HECW1: variants seen among roughly 807,000 people sequenced by gnomAD.
HECW1 encodes HECT, C2 and WW domain containing E3 ubiquitin protein ligase 1.
A neutral mutation model predicts 182.3 loss-of-function variants in HECW1; 61 were observed. The ratio of observed to expected loss-of-function variants is 0.33; its 90% CI spans 0.27 to 0.41. The LOEUF is 0.41. HECW1 is among the 10% of genes least tolerant of loss of function. The pLI is 1.00. For missense variants in HECW1, 1,739 were observed against 2,108.9 expected, an observed-to-expected ratio of 0.82 and a Z score of 3.44; for synonymous variants, 859 against 832.6, an observed-to-expected ratio of 1.03 and a Z score of -0.55.
intron 3 of HECW1, among the ~76,000 whole-genome samples, chr7:43,277,542 C>T (rs185270599): frequency 7.7e-4 from 117 of 152,292 alleles, no homozygotes; most frequent in Non-Finnish European, 1.3e-3. Context: ...CTGGGACCCA[C>T]CTGCACACCA....
Position 43,419,915 on chromosome 7 carries a change from G to A in HECW1, c.801+12184G>A, listed in dbSNP as rs564492497. ...TGCTGTGTCCAGTTTCCAATGGCTG[G>A]CACAGGACCTCACATTCTGTATTTG... On this transcript the variant is annotated intron_variant, in intron 8 of 29. Coordinates refer to ENST00000395891, the MANE Select transcript of HECW1 (RefSeq NM_015052.5). Among the ~76,000 whole-genome samples, 14 of 152,320 alleles carry A rather than the reference G, an allele frequency of 9.2e-5. No individual in the cohort carries two copies. In the South Asian group the frequency reaches 2.7e-3, roughly 29 times the overall value.
intron 2 of HECW1, among the ~76,000 whole-genome samples, chr7:43,133,257 T>C (rs1473119282): frequency 1.3e-5 from 2 of 151,772 alleles, no homozygotes; most frequent in Non-Finnish European, 2.9e-5. Context: ...CACATTTATA[T>C]ATAAATGAAT....
intron 10 of HECW1, among the ~76,000 whole-genome samples, chr7:43,443,684 T>C (rs2076958551): frequency 6.6e-6 from 1 of 152,218 alleles, no homozygotes; most frequent in Non-Finnish European, 1.5e-5. Flanking sequence ...GTTGGGAACC[T>C]TCCAGCCTGA....
At chr7:43,492,931 A>T (rs768105121) in intron 18 of HECW1, among the ~76,000 whole-genome samples, 153 bp from the exon 19 acceptor site, 3 of 152,220 alleles carry the variant, frequency 2.0e-5, no homozygotes, top group Non-Finnish European at 4.4e-5. Flanking sequence ...CATATTTTAA[A>T]AACTCTCAAG....
At chr7:43,553,513 A>G (rs1331608343) in intron 28 of HECW1, among the ~76,000 whole-genome samples, 2 of 152,070 alleles carry the variant, frequency 1.3e-5, no homozygotes. Context: ...TAAAAAAAAT[A>G]CAAAAATTAG....
At chr7:43,501,980 A>G (rs1177877444) in intron 21 of HECW1, among the ~76,000 whole-genome samples, 2 of 152,244 alleles carry the variant, frequency 1.3e-5, no homozygotes, top group African/African-American at 4.8e-5. Context: ...TAGCTTTCAC[A>G]CCAGACTTGA....
chr7:43,361,300 C>G (rs1009074543), intron 6 of HECW1, among the ~76,000 whole-genome samples: 1 of 151,910 alleles, frequency 6.6e-6, no homozygotes, highest in African/African-American at 2.4e-5. Flanking sequence ...AGTGAAGAAG[C>G]CTTTTCTTTG....
intron 5 of HECW1, among the ~76,000 whole-genome samples, chr7:43,333,245 G>A (rs150944972): frequency 5.3e-5 from 8 of 152,332 alleles, no homozygotes; most frequent in African/African-American, 1.9e-4. Context: ...TGGAGGTCTG[G>A]AAGGAAGATC....
At chr7:43,222,128 A>C (rs1173827539) in intron 2 of HECW1, among the ~76,000 whole-genome samples, 2 of 152,202 alleles carry the variant, frequency 1.3e-5, no homozygotes, top group Admixed American at 1.3e-4. Context: ...TGAGAATCTC[A>C]GAGCAATTAG....
intron 2 of HECW1, among the ~76,000 whole-genome samples, chr7:43,231,947 G>A (rs527264265): frequency 1.2e-4 from 18 of 150,806 alleles, no homozygotes; most frequent in Admixed American, 1.3e-4. Context: ...GCGTGAACCC[G>A]GGAGGCGGAG....
chr7:43,453,050 T>G (rs1398331576), intron 12 of HECW1, among the ~76,000 whole-genome samples: 2 of 152,230 alleles, frequency 1.3e-5, no homozygotes, highest in Admixed American at 6.5e-5. Flanking sequence ...TTAAGGGCTT[T>G]GTAAATCACT....
chr7:43,526,691 A>G (rs886258191), intron 24 of HECW1, among the ~76,000 whole-genome samples: 6 of 152,196 alleles, frequency 3.9e-5, no homozygotes, highest in African/African-American at 1.4e-4. Context: ...ACCTTCCTGT[A>G]TTATCCAGTT....
At chr7:43,351,918 G>A (rs1284789018) in intron 5 of HECW1, among the ~76,000 whole-genome samples, 2 of 152,148 alleles carry the variant, frequency 1.3e-5, no homozygotes, top group African/African-American at 2.4e-5. Context: ...TTTCTCAACA[G>A]TATATCCGTT....
At chr7:43,382,280 C>A (rs909688580) in intron 6 of HECW1, among the ~76,000 whole-genome samples, 2 of 150,702 alleles carry the variant, frequency 1.3e-5, no homozygotes, top group African/African-American at 4.9e-5. Flanking sequence ...AGCGAGACTC[C>A]GTCTCAAAAA....
intron 5 of HECW1, among the ~76,000 whole-genome samples, chr7:43,339,384 T>C (rs1218859755): frequency 6.6e-6 from 1 of 152,214 alleles, no homozygotes; most frequent in Non-Finnish European, 1.5e-5. Flanking sequence ...CTCTACCTGA[T>C]CTCCTGCTAA....
chr7:43,136,901 G>T (rs1787601228), intron 2 of HECW1, among the ~76,000 whole-genome samples: 2 of 152,094 alleles, frequency 1.3e-5, no homozygotes, highest in Non-Finnish European at 2.9e-5. Context: ...TGTTTTCAAG[G>T]CATTTCAGCT....
At chr7:43,330,208 T>C (rs1356166631) in intron 5 of HECW1, among the ~76,000 whole-genome samples, 1 of 152,166 alleles carries the variant, frequency 6.6e-6, no homozygotes, top group Non-Finnish European at 1.5e-5. Flanking sequence ...CCTCAAGATA[T>C]TGGAAGCTTC....
intron 13 of HECW1, 99 bp from the exon 14 acceptor site, chr7:43,463,561 A>T: frequency 8.8e-7 from 1 of 1,137,680 alleles, no homozygotes; most frequent in Non-Finnish European, 1.3e-6. Context: ...GACATTCAAG[A>T]CAATTCTTTA....
intron 2 of HECW1, among the ~76,000 whole-genome samples, chr7:43,132,526 C>T (rs1787067188): frequency 6.6e-6 from 1 of 151,934 alleles, no homozygotes; most frequent in Admixed American, 6.6e-5. Context: ...GTTTCCTTCT[C>T]TCTCTCTCTT....
Sources: allele counts gnomAD v4.1 joint callset (sites outside exome capture counted in the v4.1 genomes callset), GRCh38; gene constraint gnomAD v4.1.1; transcripts MANE v1.5; gene names NCBI Gene and HGNC (gene_info 2026-07-23, HGNC 2026-07-21).